COL15A1: variants seen among roughly 807,000 people sequenced by gnomAD.
The protein encoded by COL15A1 is collagen type XV alpha 1 chain.
COL15A1 carries 111 observed loss-of-function variants against 165.9 expected under a neutral mutation model. The observed-to-expected ratio is 0.67, with a 90% CI of 0.57 to 0.78. The LOEUF is 0.78. Ranked by LOEUF, COL15A1 falls within the 30% of genes least tolerant of loss-of-function variation. The pLI is 0.00. For synonymous variants in COL15A1, 659 were observed against 674.8 expected, an observed-to-expected ratio of 0.98 and a Z score of 0.36; for missense variants, 1,745 against 1,789.7, an observed-to-expected ratio of 0.98 and a Z score of 0.45.
intron 35 of COL15A1, 106 bp from the exon 36 acceptor site, chr9:99,059,783 C>T (rs914429832): frequency 1.4e-5 from 17 of 1,233,742 alleles, no homozygotes; most frequent in East Asian, 4.9e-5. Context: ...TGCTTTGTGG[C>T]GCTGTGAATG....
At chr9:98,983,754 G>T (rs140941401) in intron 2 of COL15A1, among the ~76,000 whole-genome samples, 28 of 152,314 alleles carry the variant, frequency 1.8e-4, no homozygotes, top group Non-Finnish European at 3.4e-4. Context: ...TTATTAACCA[G>T]GGGTTTCCGT....
rs911972204 is a variant in COL15A1 at position 98,966,992 on chromosome 9, A to T, written c.101-18573A>T. ...CCATTAAGCTCATTCATTCATGCAC[A>T]TGTGTATTATTTGTACATTCATTCG... is the stretch of plus-strand genomic sequence containing the variant. On this transcript the variant is annotated intron_variant, in intron 2 of 41. Coordinates refer to ENST00000375001, the MANE Select transcript of COL15A1 (RefSeq NM_001855.5). 8.5e-5 allele frequency among the ~76,000 whole-genome samples: 13 copies of T among 152,338 alleles called. No individual in the cohort carries two copies. The South Asian group carries it at 1.2e-3, about 15-fold the overall frequency.
chr9:99,021,303 G>T (rs1425136332), intron 12 of COL15A1, among the ~76,000 whole-genome samples: 1 of 152,224 alleles, frequency 6.6e-6, no homozygotes, highest in African/African-American at 2.4e-5. Context: ...GGGCTGGGGA[G>T]GGCGGTGTCC....
chr9:99,034,023 C>A (rs992712948), intron 16 of COL15A1, among the ~76,000 whole-genome samples: 1 of 152,174 alleles, frequency 6.6e-6, no homozygotes, highest in Admixed American at 6.5e-5. Context: ...ATGCAACCTG[C>A]CCTAATGCAA....
chr9:98,990,395 T>C (rs1439364869), intron 5 of COL15A1, among the ~76,000 whole-genome samples: 1 of 152,122 alleles, frequency 6.6e-6, no homozygotes, highest in Non-Finnish European at 1.5e-5. Flanking sequence ...TTGGGATGAA[T>C]GAAGTCAAGG....
Position 99,060,232 on chromosome 9 carries a change from TTTTATATA to T in COL15A1, c.3402+281_3402+288del, listed in dbSNP as rs752172171. Among the ~76,000 whole-genome samples the T allele has an allele frequency of 6.1e-4, 75 of 123,534 alleles. 1 individual carries two copies. The highest frequency in any genetic ancestry group is 2.8e-3 in the South Asian group (10 of 3,612). The allele number at this position is 123,534 out of a possible 152,430, so 81.0% of individuals were successfully genotyped here. On this transcript the variant is annotated intron_variant, in intron 36 of 41. Coordinates refer to ENST00000375001, the MANE Select transcript of COL15A1 (RefSeq NM_001855.5). ...AGAACCAATCATATTACTTATATATTTTTATATATATATATATATATATATTTTTTTTT... is the reference window on the plus strand; with the variant it reads ...AGAACCAATCATATTACTTATATATTTATATATATATATATATTTTTTTTT...
At position 99,054,557 on chromosome 9, in the gene COL15A1, T is replaced by C; in HGVS notation, c.2951-19T>C. The C allele has an allele frequency of 5.0e-6, 8 of 1,592,494 alleles. No individual in the cohort carries two copies. Among genetic ancestry groups the C allele is most frequent in the Non-Finnish European group, 6.0e-6 (7 of 1,173,320 alleles). On this transcript the variant is annotated intron_variant, in intron 31 of 41. Coordinates refer to ENST00000375001, the MANE Select transcript of COL15A1 (RefSeq NM_001855.5). Reference sequence around the variant, plus strand: ...GGTGATTTTCCATTTTTTTTTAACATGTATGTGTTTGGTGGCAGGTGTTAA... The same window carrying C: ...GGTGATTTTCCATTTTTTTTTAACACGTATGTGTTTGGTGGCAGGTGTTAA...
chr9:98,989,407 A>G, intron 5 of COL15A1, 149 bp downstream of exon 5: 1 of 650,440 alleles, frequency 1.5e-6, no homozygotes, highest in African/African-American at 1.8e-5. Context: ...TCAGGAAAAT[A>G]ATGGCCAATG....
At chr9:98,955,927 C>G (rs1270779806) in intron 2 of COL15A1, among the ~76,000 whole-genome samples, 1 of 152,232 alleles carries the variant, frequency 6.6e-6, no homozygotes, top group Non-Finnish European at 1.5e-5. Context: ...GGTCACAGTT[C>G]AAGTTGGCAG....
intron 36 of COL15A1, 67 bp downstream of exon 36, chr9:99,060,020 C>T (rs7031588): frequency 0.23 from 356,620 of 1,544,934 alleles, 47,865 homozygotes; most frequent in East Asian, 0.59. Flanking sequence ...ACTCTGCCTA[C>T]GATCTCCTGT....
intron 38 of COL15A1, 92 bp from the exon 39 acceptor site, chr9:99,062,958 C>T: frequency 1.4e-6 from 2 of 1,465,380 alleles, no homozygotes; most frequent in Non-Finnish European, 1.8e-6. Context: ...AAAGCATCTT[C>T]TCAAGAAACA....
chr9:98,989,126 T>C lies in COL15A1; in HGVS notation c.724-52T>C, dbSNP rs1046679085. On this transcript the variant is annotated intron_variant, in intron 4 of 41. Transcript: ENST00000375001. ...GTAACTTTCCCAGTCATCCAACTCT[T>C]ATGGGCCCTGCCCGCTCTGCCCGGT... is the stretch of plus-strand genomic sequence containing the variant. 6.2e-6 allele frequency: 9 copies of C among 1,443,186 alleles called. No individual in the cohort carries two copies. In the Admixed American group the frequency reaches 1.3e-4, roughly 22 times the overall value. 89.4% of individuals were successfully genotyped at this position (1,443,186 alleles called of 1,614,324 possible).
intron 9 of COL15A1, among the ~76,000 whole-genome samples, chr9:99,013,305 ACT>A: frequency 6.6e-6 from 1 of 151,934 alleles, no homozygotes; most frequent in Non-Finnish European, 1.5e-5. Context: ...CCCCCAAGAC[ACT>A]CCCACTTGCC....
intron 31 of COL15A1, among the ~76,000 whole-genome samples, chr9:99,054,255 C>A (rs1219158166): frequency 3.9e-5 from 6 of 152,160 alleles, no homozygotes; most frequent in Non-Finnish European, 8.8e-5. Context: ...TGGCACTGAC[C>A]AAGCCAGGGT....
chr9:99,013,682 C>G (rs542305369), intron 9 of COL15A1, among the ~76,000 whole-genome samples: 43 of 152,198 alleles, frequency 2.8e-4, no homozygotes, highest in African/African-American at 9.4e-4. Context: ...TCTGGTACCC[C>G]CAAAAGCCAA....
chr9:98,972,094 G>C (rs1838066851), intron 2 of COL15A1, among the ~76,000 whole-genome samples: 1 of 152,146 alleles, frequency 6.6e-6, no homozygotes, highest in African/African-American at 2.4e-5. Flanking sequence ...GGTTCTCACT[G>C]TGTTGTCCGT....
chr9:98,986,395 T>A (rs1838314035), intron 3 of COL15A1: 1 of 353,216 alleles, frequency 2.8e-6, no homozygotes, highest in Non-Finnish European at 5.1e-6. Flanking sequence ...CACAGTCTTG[T>A]AGGTCAAATA....
chr9:98,976,985 G>C (rs1783868861), intron 2 of COL15A1, among the ~76,000 whole-genome samples: 1 of 152,042 alleles, frequency 6.6e-6, no homozygotes, highest in African/African-American at 2.4e-5. Context: ...AAGGCTCAAG[G>C]GTGTAAAATG....
chr9:99,005,797 A>G lies in COL15A1; in HGVS notation c.1353+747A>G, dbSNP rs1447954208. Among the ~76,000 whole-genome samples the G allele has an allele frequency of 1.3e-5, 2 of 152,110 alleles. 1 individual carries two copies. The highest frequency in any genetic ancestry group is 2.9e-5 in the Non-Finnish European group (2 of 68,002). ...AGCCTGCCGTGTCCCCAGCCCGGGC[A>G]ATTGCTAAGAGCCCTGTCTGGCCTC... On this transcript the variant is annotated intron_variant, in intron 9 of 41. Coordinates refer to ENST00000375001, the MANE Select transcript of COL15A1 (RefSeq NM_001855.5).
Sources: gnomAD v4.1 joint callset for allele counts (sites outside exome capture counted in the v4.1 genomes callset) on GRCh38, gnomAD v4.1.1 for gene constraint, MANE v1.5 for transcripts, NCBI Gene and HGNC (gene_info 2026-07-23, HGNC 2026-07-21) for gene names.